TNC: variants seen among roughly 807,000 people sequenced by gnomAD.
The protein encoded by TNC is tenascin C.
Under a neutral mutation model 202.4 loss-of-function variants are expected in TNC, and 109 were observed. The ratio of observed to expected loss-of-function variants is 0.54; its 90% CI spans 0.46 to 0.63. TNC has a LOEUF of 0.63. TNC is among the 30% of genes least tolerant of loss of function. The probability of loss-of-function intolerance (pLI) is 0.00; values close to 1 mark genes in which losing one functional copy is unlikely to be tolerated. For synonymous variants in TNC, 1,007 were observed against 1,089.7 expected (o/e 0.92, Z 1.50); for missense variants, 2,756 against 2,833.3 (o/e 0.97, Z 0.62).
rs202144328 is a variant in TNC, at chr9:115,090,819, T to C, written c.200A>G (p.Asp67Gly). The change falls in exon 2 of 28, where the codon GAT becomes GGT. Residue 67 changes from aspartate (D) to glycine (G), a missense_variant. Physicochemically the swap from Asp to Gly is moderately conservative, Grantham distance 94. Transcript: ENST00000350763. The stretch of plus-strand genomic sequence containing the variant: ...TTTCTCCCCACTGGCTGACTCCAGA[T>C]CCACCGAACACTGGGATCCCACTGG... ...KLPVGSQCSV[D>G]LESASGEKDL... is the part of the protein sequence containing the mutation. The C allele has an allele frequency of 1.1e-5, 18 of 1,614,184 alleles. No individual in the cohort carries two copies. In the Admixed American group the frequency reaches 2.8e-4, roughly 25 times the overall value.
intron 27 of TNC, among the ~76,000 whole-genome samples, chr9:115,022,006 G>GC (rs1208287591): frequency 6.6e-6 from 1 of 152,186 alleles, no homozygotes; most frequent in African/African-American, 2.4e-5. Context: ...TTTGGCCAAA[G>GC]CTTTCTACAA....
intron 1 of TNC, among the ~76,000 whole-genome samples, chr9:115,104,660 C>T (rs560037039): frequency 4.5e-4 from 68 of 152,306 alleles, no homozygotes; most frequent in Admixed American, 9.2e-4. Flanking sequence ...TAATAATAAA[C>T]GTTACACATA....
chr9:115,036,383 A>ATACGTCGACCACCGAGAT, intron 20 of TNC, 142 bp from the exon 21 acceptor site: 1 of 892,518 alleles, frequency 1.1e-6, no homozygotes, highest in South Asian at 1.6e-5. Context: ...TTCTGAAATG[A>ATACGTCGACCACCGAGAT]CTCACGCTCT....
At chr9:115,113,000 C>G (rs1837199395) in intron 1 of TNC, among the ~76,000 whole-genome samples, 1 of 152,184 alleles carries the variant, frequency 6.6e-6, no homozygotes, top group South Asian at 2.1e-4. Flanking sequence ...GTGGATCGGG[C>G]TTTGCCCTCA....
intron 26 of TNC, among the ~76,000 whole-genome samples, chr9:115,024,738 T>C (rs1392706747): frequency 6.6e-6 from 1 of 152,232 alleles, no homozygotes; most frequent in African/African-American, 2.4e-5. Context: ...ACATAGTTAC[T>C]TTTTAAAGTA....
intron 25 of TNC, among the ~76,000 whole-genome samples, chr9:115,027,872 TGTG>T (rs1166673664): frequency 2.0e-5 from 3 of 152,154 alleles, no homozygotes; most frequent in African/African-American, 7.2e-5. Flanking sequence ...TTTTTGAGGC[TGTG>T]ATTTTATCCA....
At chr9:115,045,206 C>G (rs1831082146) in intron 17 of TNC, among the ~76,000 whole-genome samples, 1 of 152,162 alleles carries the variant, frequency 6.6e-6, no homozygotes, top group Non-Finnish European at 1.5e-5. Flanking sequence ...TCCCCTGGTT[C>G]CCTTTGAAGC....
At chr9:115,085,821 T>G in intron 3 of TNC, 43 bp downstream of exon 3, 1 of 1,543,214 alleles carries the variant, frequency 6.5e-7, no homozygotes, top group Non-Finnish European at 8.8e-7. Context: ...AGGAGTCCAC[T>G]CCATCATGGC....
rs1159554186 is a variant in TNC at position 115,076,653 on chromosome 9, T to C, written c.2675-78A>G. ...GAGTCTTTGACAGCTCAAGCTGACA[T>C]ATGAAACGTGCCTGGAACTGGAGAG... is the stretch of plus-strand genomic sequence containing the variant. On this transcript the variant is annotated intron_variant, in intron 7 of 27. Coordinates refer to ENST00000350763, the MANE Select transcript of TNC (RefSeq NM_002160.4). 1.9e-5 allele frequency: 29 copies of C among 1,488,912 alleles called. No homozygotes were observed. The South Asian group carries it at 3.3e-4, about 17-fold the overall frequency. 92.2% of individuals were successfully genotyped at this position (1,488,912 alleles called of 1,614,324 possible).
intron 26 of TNC, 80 bp from the exon 27 acceptor site, chr9:115,024,216 T>C (rs1829302300): frequency 2.0e-6 from 3 of 1,482,842 alleles, no homozygotes; most frequent in Admixed American, 1.8e-5. Context: ...GAACCAGAGG[T>C]GACAATTGAA....
At chr9:115,070,475 C>T (rs558899695) in intron 10 of TNC, among the ~76,000 whole-genome samples, 32 of 152,308 alleles carry the variant, frequency 2.1e-4, no homozygotes, top group Admixed American at 5.2e-4. Flanking sequence ...ATGGGCTGGC[C>T]GTGCCAGATT....
At chr9:115,062,277 A>G (rs983982833) in intron 13 of TNC, among the ~76,000 whole-genome samples, 1 of 152,156 alleles carries the variant, frequency 6.6e-6, no homozygotes, top group Non-Finnish European at 1.5e-5. Flanking sequence ...TGATTTAAAG[A>G]TACAAAAAGG....
chr9:115,054,331 A>T (rs533435609), intron 15 of TNC, among the ~76,000 whole-genome samples: 27 of 152,366 alleles, frequency 1.8e-4, no homozygotes, highest in African/African-American at 6.5e-4. Context: ...TTGACATGGG[A>T]TATCCTCCTT....
In TNC at chr9:115,111,146, TTGA is replaced by T. The variant is rs370038377; in HGVS notation, c.-137+6833_-137+6835del. On this transcript the variant is annotated intron_variant, in intron 1 of 27. Coordinates refer to ENST00000350763, the MANE Select transcript of TNC (RefSeq NM_002160.4). ...ACTGAAGGGTTGAGTGAACTTGTCATTGATAAGAGGTTGCCAGAAATTGGTGAC... is the reference window on the plus strand; with the variant it reads ...ACTGAAGGGTTGAGTGAACTTGTCATTAAGAGGTTGCCAGAAATTGGTGAC... 2.0e-5 allele frequency among the ~76,000 whole-genome samples: 3 copies of T among 152,260 alleles called. No individual in the cohort carries two copies. The East Asian group carries it at 5.8e-4, about 29-fold the overall frequency.
chr9:115,029,006 A>G (rs1032555322), intron 25 of TNC, among the ~76,000 whole-genome samples: 2 of 139,280 alleles, frequency 1.4e-5, no homozygotes, highest in Non-Finnish European at 3.1e-5. Context: ...TTCCCCCTTT[A>G]AACACTAAAA....
chr9:115,040,922 C>CACAG lies in TNC; in HGVS notation c.5392+18_5392+19insCTGT. 6.2e-7 allele frequency: 1 copy of CACAG among 1,606,284 alleles called. No homozygotes were observed. The highest frequency in any genetic ancestry group is 1.3e-5 in the African/African-American group (1 of 74,716). Reference sequence around the variant, plus strand: ...AAAAATAGTAACACACACACACACACACAACCCCACCAACTCACCTGTGGT... The same window carrying CACAG: ...AAAAATAGTAACACACACACACACACACAGACAACCCCACCAACTCACCTGTGGT... On this transcript the variant is annotated intron_variant, in intron 19 of 27. Transcript: ENST00000350763.
At chr9:115,109,321 A>T (rs1836863056) in intron 1 of TNC, among the ~76,000 whole-genome samples, 1 of 152,228 alleles carries the variant, frequency 6.6e-6, no homozygotes. Flanking sequence ...CATCACAATA[A>T]ACTTTAAACT....
rs1002968234 is a variant in TNC, at chr9:115,118,086, C to G, written c.-241G>C. The G allele has an allele frequency of 6.6e-6, 1 of 152,318 alleles. No individual in the cohort carries two copies. The highest frequency in any genetic ancestry group is 1.5e-5 in the Non-Finnish European group (1 of 68,156). The allele number at this position is 152,318 out of a possible 1,614,324, so 9.4% of individuals were successfully genotyped here. A position where few individuals can be genotyped will look rare whatever the true frequency, so the allele number is the denominator to read the frequency against. ...CCCCCGAGTTCCCCAGCAGCGCTGC[C>G]TTTGTGCCCACGGAGGCGGGGGCGT... On this transcript the variant is annotated 5_prime_UTR_variant, in exon 1 of 28. Transcript: ENST00000350763.
At chr9:115,082,453 C>A (rs920989519) in intron 5 of TNC, among the ~76,000 whole-genome samples, 2 of 152,128 alleles carry the variant, frequency 1.3e-5, no homozygotes, top group African/African-American at 4.8e-5. Flanking sequence ...ACAATTGGAA[C>A]CTTGAGGTGA....
Sources: gnomAD v4.1 joint callset for allele counts (sites outside exome capture counted in the v4.1 genomes callset) on GRCh38, gnomAD v4.1.1 for gene constraint, MANE v1.5 for transcripts, NCBI Gene and HGNC (gene_info 2026-07-23, HGNC 2026-07-21) for gene names.